The following SLC38A12 variants were observed in gnomAD, a reference collection of about 807,000 sequenced individuals.
The protein encoded by SLC38A12 is putative sodium-coupled neutral amino acid transporter 12.
chr17:74,785,944 T>C, the SLC38A12 span, among the ~76,000 whole-genome samples: 1 of 152,260 alleles, frequency 6.6e-6, no homozygotes, highest in African/African-American at 2.4e-5. Flanking sequence ...CATCAAGTTT[T>C]GCTGTCTGAG....
At chr17:74,839,134 G>A in the SLC38A12 span, 17 of 1,526,800 alleles carry the variant, frequency 1.1e-5, no homozygotes, top group South Asian at 1.8e-4. Context: ...GCTCCTGGCT[G>A]TTCCTCACCT....
the SLC38A12 span, among the ~76,000 whole-genome samples, chr17:74,824,727 C>G: frequency 1.3e-5 from 2 of 152,188 alleles, no homozygotes; most frequent in Non-Finnish European, 2.9e-5. Flanking sequence ...GCTCTTTTTG[C>G]ATCTGTGTTC....
At chr17:74,787,539 G>A in the SLC38A12 span, among the ~76,000 whole-genome samples, 8 of 151,470 alleles carry the variant, frequency 5.3e-5, no homozygotes, top group African/African-American at 9.7e-5. Context: ...GGAGAATGGC[G>A]TGAACCCGGG....
the SLC38A12 span, among the ~76,000 whole-genome samples, chr17:74,801,929 C>T: frequency 6.6e-6 from 1 of 152,152 alleles, no homozygotes; most frequent in Non-Finnish European, 1.5e-5. Flanking sequence ...CTCACTCCCA[C>T]ACTGCAGCTT....
At chr17:74,839,537 A>G in the SLC38A12 span, 1 of 172,514 alleles carries the variant, frequency 5.8e-6, no homozygotes, top group African/African-American at 2.4e-5. Flanking sequence ...TGGAGGGGTA[A>G]CCTCCGCTGA....
chr17:74,793,074 GC>G, the SLC38A12 span, among the ~76,000 whole-genome samples: 1 of 151,966 alleles, frequency 6.6e-6, no homozygotes, highest in Non-Finnish European at 1.5e-5. Context: ...TGCCTTTTTT[GC>G]CCCCCACTAC....
At chr17:74,815,549 C>T in the SLC38A12 span, among the ~76,000 whole-genome samples, 3 of 152,220 alleles carry the variant, frequency 2.0e-5, no homozygotes, top group Non-Finnish European at 2.9e-5. Flanking sequence ...CCCTCACTCA[C>T]ACGCTCCGTG....
At chr17:74,816,208 T>C in the SLC38A12 span, among the ~76,000 whole-genome samples, 34 of 152,304 alleles carry the variant, frequency 2.2e-4, no homozygotes, top group African/African-American at 6.7e-4. Flanking sequence ...GGGGGTGCTA[T>C]TGGGAGCCTT....
the SLC38A12 span, chr17:74,795,657 C>T: frequency 1.1e-5 from 17 of 1,579,464 alleles, no homozygotes; most frequent in Non-Finnish European, 1.4e-5. Context: ...CTCTGTGCCG[C>T]CTGCCCCAGC....
At chr17:74,808,433 G>A in the SLC38A12 span, among the ~76,000 whole-genome samples, 4 of 152,264 alleles carry the variant, frequency 2.6e-5, no homozygotes, top group African/African-American at 9.6e-5. Context: ...AGTGGAGACA[G>A]TCACCAAGGT....
At chr17:74,803,286 T>C in the SLC38A12 span, among the ~76,000 whole-genome samples, 1 of 152,226 alleles carries the variant, frequency 6.6e-6, no homozygotes, top group Non-Finnish European at 1.5e-5. Flanking sequence ...CAAAGCCCGG[T>C]TGATGTTGCT....
chr17:74,794,960 A>AT, the SLC38A12 span: 1 of 1,458,806 alleles, frequency 6.9e-7, no homozygotes, highest in Non-Finnish European at 9.5e-7. Context: ...AAAAAAAAAA[A>AT]CATGCAGACA....
chr17:74,779,479 G>A, the SLC38A12 span, among the ~76,000 whole-genome samples: 2 of 152,230 alleles, frequency 1.3e-5, no homozygotes, highest in Non-Finnish European at 2.9e-5. Flanking sequence ...ACATCAAACA[G>A]GAGGTGTAGT....
the SLC38A12 span, among the ~76,000 whole-genome samples, chr17:74,821,925 T>A: frequency 6.6e-6 from 1 of 152,080 alleles, no homozygotes; most frequent in Non-Finnish European, 1.5e-5. Flanking sequence ...CTTCCCCTCA[T>A]CCAGGAGGAC....
At chr17:74,804,584 A>T in the SLC38A12 span, among the ~76,000 whole-genome samples, 1 of 152,272 alleles carries the variant, frequency 6.6e-6, no homozygotes, top group African/African-American at 2.4e-5. Flanking sequence ...GAACATTTTC[A>T]TAAGCCTCAG....
At chr17:74,796,789 T>A in the SLC38A12 span, among the ~76,000 whole-genome samples, 1 of 152,358 alleles carries the variant, frequency 6.6e-6, no homozygotes, top group Non-Finnish European at 1.5e-5. Context: ...CTTCTCCACC[T>A]TCCCCAGCCT....
the SLC38A12 span, among the ~76,000 whole-genome samples, chr17:74,779,953 G>A: frequency 2.0e-5 from 3 of 152,248 alleles, no homozygotes; most frequent in South Asian, 2.1e-4. Flanking sequence ...CGGGAACGTG[G>A]TTCAGAGAGG....
the SLC38A12 span, among the ~76,000 whole-genome samples, chr17:74,803,213 C>T: frequency 6.6e-6 from 1 of 152,146 alleles, no homozygotes; most frequent in Non-Finnish European, 1.5e-5. Context: ...AAAAGAACTT[C>T]AGGAGCCCTT....
At chr17:74,785,689 A>G in the SLC38A12 span, 1 of 1,520,192 alleles carries the variant, frequency 6.6e-7, no homozygotes, top group Non-Finnish European at 8.9e-7. Flanking sequence ...GAGGGCACTG[A>G]GGGGGTGGGA....
Sources: allele counts gnomAD v4.1 joint callset (sites outside exome capture counted in the v4.1 genomes callset), GRCh38; gene constraint gnomAD v4.1.1; transcripts MANE v1.5; gene names NCBI Gene and HGNC (gene_info 2026-07-23, HGNC 2026-07-21).